Variants in ENOSF1 observed in about 807,000 individuals in gnomAD.
ENOSF1 encodes the protein enolase superfamily member 1.
ENOSF1 carries 73 observed loss-of-function variants against 68.2 expected under a neutral mutation model. The ratio of observed to expected loss-of-function variants is 1.07; its 90% CI spans 0.89 to 1.30. The LOEUF (loss-of-function observed/expected upper bound fraction) is 1.30, where lower values mean the gene tolerates loss of function less well. ENOSF1 is among the 50% of genes most tolerant of loss of function. ENOSF1 has a pLI of 0.00. For missense variants in ENOSF1, 589 were observed against 554.5 expected (o/e 1.06, Z -0.62); for synonymous variants, 223 against 210.4 (o/e 1.06, Z -0.52).
intron 12 of ENOSF1, chr18:678,264 GA>G: frequency 3.6e-6 from 1 of 275,968 alleles, no homozygotes; most frequent in Non-Finnish European, 6.9e-6. Context: ...CTTTTGCCGG[GA>G]AAACTGAGAA....
chr18:684,025 G>A (rs577051819), intron 10 of ENOSF1, among the ~76,000 whole-genome samples: 2 of 150,130 alleles, frequency 1.3e-5, no homozygotes, highest in South Asian at 2.1e-4. Flanking sequence ...ACAGAGTCTC[G>A]CTCTGTCACC....
rs2144406069 is a variant in ENOSF1 at position 672,417 on chromosome 18, T to TCTGTTCA, written c.*1881_*1887dup. On this transcript the variant is annotated 3_prime_UTR_variant, in exon 16 of 16. Coordinates refer to ENST00000647584, the MANE Select transcript of ENOSF1 (RefSeq NM_017512.7). The stretch of plus-strand genomic sequence containing the variant: ...TGTCTTCACATCCTAATTGCCACTG[T>TCTGTTCA]CTGTTCATCCCAGGAATCCTGGCTT... 1 of 154,732 alleles carries TCTGTTCA rather than the reference T, an allele frequency of 6.5e-6. No homozygotes were observed. Among genetic ancestry groups the TCTGTTCA allele is most frequent in the Admixed American group, 6.3e-5 (1 of 15,786 alleles). The allele number at this position is 154,732 out of a possible 1,614,324, so 9.6% of individuals were successfully genotyped here.
intron 11 of ENOSF1, among the ~76,000 whole-genome samples, chr18:682,722 A>AAT (rs1470342448): frequency 4.0e-5 from 6 of 149,726 alleles, no homozygotes; most frequent in African/African-American, 1.5e-4. Context: ...TACCAAAAAA[A>AAT]AAAAAAAAAA....
At chr18:693,787 A>G in intron 5 of ENOSF1, 95 bp downstream of exon 5, 1 of 1,577,744 alleles carries the variant, frequency 6.3e-7, no homozygotes, top group African/African-American at 1.4e-5. Context: ...ATCAACAGAT[A>G]GTCCTGAATA....
In ENOSF1 at chr18:671,780, CTTTTCT is replaced by C. The variant is rs2075063413; in HGVS notation, c.*2519_*2524del. On this transcript the variant is annotated 3_prime_UTR_variant, in exon 16 of 16. Coordinates refer to ENST00000647584, the MANE Select transcript of ENOSF1 (RefSeq NM_017512.7). ...GAGAATTGAAGTGCAAATGTTTTTC[CTTTTCT>C]TTTTTTTTTGAGATGGAGTCTTTCT... 1.2e-5 allele frequency: 3 copies of C among 255,906 alleles called. No homozygotes were observed. Among genetic ancestry groups the C allele is most frequent in the East Asian group, 1.2e-4 (1 of 8,290 alleles). 15.9% of individuals were successfully genotyped at this position (255,906 alleles called of 1,614,324 possible).
At position 712,481 on chromosome 18, in the gene ENOSF1, C is replaced by G. The variant is rs1367183339; in HGVS notation, c.84+23G>C. The stretch of plus-strand genomic sequence containing the variant: ...GTCCGCGCTTACCATGGCGTCCGCG[C>G]TTACCATGGCGTCCGCGCTTACCAT... On this transcript the variant is annotated intron_variant, in intron 1 of 15. Coordinates refer to ENST00000647584, the MANE Select transcript of ENOSF1 (RefSeq NM_017512.7). 6.5e-6 allele frequency: 10 copies of G among 1,535,944 alleles called. No individual in the cohort carries two copies. The East Asian group carries it at 2.4e-4, about 38-fold the overall frequency.
intron 9 of ENOSF1, chr18:688,299 G>T: frequency 2.3e-6 from 1 of 432,960 alleles, no homozygotes; most frequent in Non-Finnish European, 4.2e-6. Flanking sequence ...GTTACTGACA[G>T]TAAAGACTGG....
At chr18:684,918 T>C (rs1039545345) in intron 10 of ENOSF1, among the ~76,000 whole-genome samples, 9 of 151,992 alleles carry the variant, frequency 5.9e-5, no homozygotes, top group African/African-American at 9.7e-5. Flanking sequence ...TGGAGTGCAG[T>C]GGTATTATTG....
At chr18:675,254 T>C (rs1352809755) in intron 15 of ENOSF1, 67 bp downstream of exon 15, 2 of 1,228,898 alleles carry the variant, frequency 1.6e-6, no homozygotes, top group Non-Finnish European at 2.4e-6. Context: ...CACAGTCTAG[T>C]TCACGAGACA....
Position 671,078 on chromosome 18 carries a change from G to A in ENOSF1, c.*3227C>T. ...TATACGCACTAACAGATCTATACAG[G>A]TTGTTTGTGATACAGCTTCTATGGA... On this transcript the variant is annotated 3_prime_UTR_variant, in exon 16 of 16. Coordinates refer to ENST00000647584, the MANE Select transcript of ENOSF1 (RefSeq NM_017512.7). 1 of 639,544 alleles carries A rather than the reference G, an allele frequency of 1.6e-6. No individual in the cohort carries two copies. Among genetic ancestry groups the A allele is most frequent in the Non-Finnish European group, 2.7e-6 (1 of 375,610 alleles). The allele number at this position is 639,544 out of a possible 1,614,324, so 39.6% of individuals were successfully genotyped here. A position where few individuals can be genotyped will look rare whatever the true frequency, so the allele number is the denominator to read the frequency against.
chr18:701,506 G>A (rs1288404787), intron 2 of ENOSF1, among the ~76,000 whole-genome samples: 2 of 151,998 alleles, frequency 1.3e-5, no homozygotes, highest in Non-Finnish European at 2.9e-5. Context: ...TGTAATCCCA[G>A]CACTTTGGGA....
chr18:665,525 T>C (rs1292030648), downstream of ENOSF1, among the ~76,000 whole-genome samples: 2 of 136,226 alleles, frequency 1.5e-5, no homozygotes, highest in Non-Finnish European at 3.1e-5. Context: ...TCAGTTCTGC[T>C]CTGATTTTAG....
intron 1 of ENOSF1, among the ~76,000 whole-genome samples, chr18:708,899 A>G (rs2079215884): frequency 2.0e-5 from 3 of 152,192 alleles, no homozygotes; most frequent in Admixed American, 2.0e-4. Flanking sequence ...GACTCCAAGA[A>G]TTAAAGACCC....
intron 3 of ENOSF1, among the ~76,000 whole-genome samples, chr18:696,316 G>A (rs1313808299): frequency 4.1e-5 from 6 of 147,774 alleles, no homozygotes; most frequent in African/African-American, 1.0e-4. Context: ...GGTTCACGCC[G>A]TTCTCCTGCC....
chr18:711,370 G>A lies in ENOSF1; in HGVS notation c.84+1134C>T, dbSNP rs192022827. Among the ~76,000 whole-genome samples the A allele has an allele frequency of 3.6e-3, 550 of 152,188 alleles. 5 individuals are homozygous for A. The highest frequency in any genetic ancestry group is 0.013 in the African/African-American group (519 of 41,494). Reference sequence around the variant, plus strand: ...CCAGCTTGCCATCCACCCAATTTAGGAAGTAAAACATTACAATGGGAATTA... The same window carrying A: ...CCAGCTTGCCATCCACCCAATTTAGAAAGTAAAACATTACAATGGGAATTA... On this transcript the variant is annotated intron_variant, in intron 1 of 15. Transcript: ENST00000647584.
At chr18:685,632 T>C (rs968674994) in intron 10 of ENOSF1, among the ~76,000 whole-genome samples, 42 of 152,158 alleles carry the variant, frequency 2.8e-4, no homozygotes, top group African/African-American at 1.0e-3. Context: ...GATTACATGA[T>C]TGACACACCA....
At chr18:685,876 CT>C (rs1231922557) in intron 10 of ENOSF1, 44 bp downstream of exon 10, 1 of 1,422,910 alleles carries the variant, frequency 7.0e-7, no homozygotes, top group East Asian at 2.3e-5. Flanking sequence ...GTATTTAGCC[CT>C]GGACAAAGGC....
chr18:701,749 T>C (rs1226229417), intron 2 of ENOSF1, among the ~76,000 whole-genome samples: 1,128 of 108,158 alleles, frequency 0.01, 11 homozygotes, highest in African/African-American at 0.042. Context: ...AGAGCGAGAC[T>C]CCATCTCAAA....
intron 10 of ENOSF1, among the ~76,000 whole-genome samples, chr18:685,028 T>TC (rs2076482767): frequency 6.6e-6 from 1 of 150,508 alleles, no homozygotes; most frequent in African/African-American, 2.4e-5. Context: ...CCTGGTTAAT[T>TC]TTTTTTCTTC....
Sources: gnomAD v4.1 joint callset for allele counts (sites outside exome capture counted in the v4.1 genomes callset) on GRCh38, gnomAD v4.1.1 for gene constraint, MANE v1.5 for transcripts, NCBI Gene and HGNC (gene_info 2026-07-23, HGNC 2026-07-21) for gene names.